Variants in CDK5RAP2 observed in about 807,000 individuals in gnomAD.
CDK5RAP2 encodes the protein CDK5 regulatory subunit associated protein 2.
A neutral mutation model predicts 232.9 loss-of-function variants in CDK5RAP2; 147 were observed. That is an observed-to-expected ratio of 0.63 (90% CI 0.55 to 0.72). The LOEUF is 0.72. Among genes scored for constraint, CDK5RAP2 ranks in the 30% least tolerant of loss-of-function variants. The probability of loss-of-function intolerance (pLI) is 0.00; values close to 1 mark genes in which losing one functional copy is unlikely to be tolerated. For missense variants in CDK5RAP2, 2,195 were observed against 2,231.5 expected (o/e 0.98, Z 0.33); for synonymous variants, 833 against 833.7 (o/e 1.00, Z 0.01).
intron 1 of CDK5RAP2, among the ~76,000 whole-genome samples, chr9:120,574,225 C>A (rs765778117): frequency 1.4e-4 from 22 of 152,166 alleles, no homozygotes; most frequent in Non-Finnish European, 2.2e-4. Context: ...TCCACTCGGG[C>A]TTTACCTACC....
intron 6 of CDK5RAP2, chr9:120,536,732 T>G: frequency 1.5e-6 from 1 of 649,988 alleles, no homozygotes; most frequent in South Asian, 1.6e-5. Context: ...AACAGGCATT[T>G]CCAATGGAAA....
chr9:120,390,133 G>C (rs1355524541), intron 36 of CDK5RAP2: 1 of 303,162 alleles, frequency 3.3e-6, no homozygotes, highest in African/African-American at 2.1e-5. Context: ...CTGTGGGCCA[G>C]GGAGGGCAAT....
intron 12 of CDK5RAP2, among the ~76,000 whole-genome samples, chr9:120,498,453 A>T (rs1362104928): frequency 6.6e-6 from 1 of 152,256 alleles, no homozygotes; most frequent in Admixed American, 6.5e-5. Context: ...GTTCCAGATT[A>T]GCCAAGACTA....
At chr9:120,503,155 C>T (rs1249396688) in intron 12 of CDK5RAP2, among the ~76,000 whole-genome samples, 1 of 152,188 alleles carries the variant, frequency 6.6e-6, no homozygotes, top group Non-Finnish European at 1.5e-5. Flanking sequence ...TAAAACCACT[C>T]TGTGACATAG....
rs1196317812 is a variant in CDK5RAP2 at position 120,411,468 on chromosome 9, G to T, written c.4304C>A (p.Thr1435Lys). 2 of 1,571,370 alleles carry T rather than the reference G, an allele frequency of 1.3e-6. No homozygotes were observed. Among genetic ancestry groups the T allele is most frequent in the African/African-American group, 1.3e-5 (1 of 74,150 alleles). ...CTCTGAACCAGAAGCAAAAATGCTTGTAGAACCTATAAAAACACACATAAA... is the reference window on the plus strand; with the variant it reads ...CTCTGAACCAGAAGCAAAAATGCTTTTAGAACCTATAAAAACACACATAAA... The part of the protein sequence containing the change: ...RQGSEFVQGS[T>K]SIFASGSELH... The change falls in exon 29 of 38, where the codon ACA becomes AAA. Residue 1435 changes from threonine (T) to lysine (K), a missense_variant. By Grantham distance (78) the Thr-to-Lys change is moderately conservative. Coordinates refer to ENST00000349780, the MANE Select transcript of CDK5RAP2 (RefSeq NM_018249.6).
chr9:120,476,860 C>T (rs1425835914), intron 15 of CDK5RAP2, among the ~76,000 whole-genome samples: 1 of 152,096 alleles, frequency 6.6e-6, no homozygotes, highest in Non-Finnish European at 1.5e-5. Context: ...CCACACCTTG[C>T]TGGCAGCAAC....
chr9:120,436,660 A>ATAGAGCGC (rs1305975392), intron 25 of CDK5RAP2, among the ~76,000 whole-genome samples: 4 of 152,150 alleles, frequency 2.6e-5, no homozygotes, highest in Non-Finnish European at 5.9e-5. Context: ...AAAGATAATA[A>ATAGAGCGC]TAGAGCGCGT....
intron 3 of CDK5RAP2, among the ~76,000 whole-genome samples, chr9:120,567,950 T>C (rs1289931577): frequency 6.6e-6 from 1 of 152,142 alleles, no homozygotes; most frequent in Non-Finnish European, 1.5e-5. Context: ...TAGGGGACCA[T>C]AAATAACATG....
chr9:120,548,976 G>T (rs1326710042), intron 4 of CDK5RAP2, among the ~76,000 whole-genome samples: 1 of 152,150 alleles, frequency 6.6e-6, no homozygotes, highest in East Asian at 1.9e-4. Context: ...GGAGAACATG[G>T]GGAAACCCCA....
At chr9:120,482,579 CT>C (rs1286054257) in intron 14 of CDK5RAP2, among the ~76,000 whole-genome samples, 2 of 152,198 alleles carry the variant, frequency 1.3e-5, no homozygotes, top group African/African-American at 4.8e-5. Context: ...GCAAGCCCTT[CT>C]TTGACTGATA....
At chr9:120,460,173 A>G (rs545435333) in intron 19 of CDK5RAP2, among the ~76,000 whole-genome samples, 7 of 152,326 alleles carry the variant, frequency 4.6e-5, no homozygotes, top group African/African-American at 1.7e-4. Context: ...TACACAGTCC[A>G]GAAACAAGGG....
At chr9:120,524,078 A>G (rs1224980659) in intron 11 of CDK5RAP2, among the ~76,000 whole-genome samples, 4 of 152,156 alleles carry the variant, frequency 2.6e-5, no homozygotes, top group Admixed American at 2.0e-4. Flanking sequence ...ATTACTTACC[A>G]GTTTTGGGAA....
chr9:120,552,775 A>G (rs1480231410), intron 3 of CDK5RAP2, among the ~76,000 whole-genome samples: 2 of 151,844 alleles, frequency 1.3e-5, no homozygotes, highest in African/African-American at 2.4e-5. Flanking sequence ...GCACAGCAAC[A>G]TGGCACATGT....
Position 120,400,815 on chromosome 9 carries a change from G to A in CDK5RAP2, c.5378C>T (p.Ala1793Val). The change falls in exon 35 of 38, where the codon GCC becomes GTC. Residue 1793 changes from alanine (A) to valine (V), a missense_variant. Physicochemically the swap from Ala to Val is moderately conservative, Grantham distance 64. Transcript: ENST00000349780. ...CCAGAGAAGCTTCAGCCGCCTGTAG[G>A]CCTCTTCCAGGGTCAGCTTGGCCGT... Reference protein sequence around the residue: ...VSTAKLTLEEAYRRLKLLWRV... With the variant: ...VSTAKLTLEEVYRRLKLLWRV... 1 of 1,614,176 alleles carries A rather than the reference G, an allele frequency of 6.2e-7. No homozygotes were observed. The highest frequency in any genetic ancestry group is 8.5e-7 in the Non-Finnish European group (1 of 1,180,038).
intron 12 of CDK5RAP2, among the ~76,000 whole-genome samples, chr9:120,497,934 C>T (rs1377360919): frequency 6.6e-6 from 1 of 152,224 alleles, no homozygotes; most frequent in Non-Finnish European, 1.5e-5. Flanking sequence ...CCCCTCGTGG[C>T]TTGGATAGAA....
chr9:120,550,747 A>C, intron 4 of CDK5RAP2, 45 bp downstream of exon 4: 1 of 1,065,750 alleles, frequency 9.4e-7, no homozygotes, highest in Non-Finnish European at 1.5e-6. Context: ...TGAAATGACA[A>C]TGAGAAAGGA....
chr9:120,448,042 C>T lies in CDK5RAP2; in HGVS notation c.2878G>A (p.Val960Met), dbSNP rs752790001. ...NMYRLPATQE[V>M]VTQLQSQILE... ...ATCTGGCTCTGCAGCTGCGTCACCA[C>T]CTCCTGGGTGGCAGGGAGACGATAC... The change falls in exon 22 of 38, where the codon GTG (valine) becomes ATG (methionine). Residue 960 changes from valine (V) to methionine (M), a missense_variant. Val to Met is a conservative substitution (Grantham distance 21). Coordinates refer to ENST00000349780, the MANE Select transcript of CDK5RAP2 (RefSeq NM_018249.6). The T allele has an allele frequency of 6.2e-7, 1 of 1,614,188 alleles. No homozygotes were observed. The highest frequency in any genetic ancestry group is 8.5e-7 in the Non-Finnish European group (1 of 1,180,022).
intron 3 of CDK5RAP2, among the ~76,000 whole-genome samples, chr9:120,556,764 G>T (rs1023794441): frequency 6.6e-6 from 1 of 152,070 alleles, no homozygotes; most frequent in Non-Finnish European, 1.5e-5. Context: ...AAAAGAAAAC[G>T]ATAAGCATAT....
At chr9:120,507,940 AAAATAT>A (rs1284566377) in intron 12 of CDK5RAP2, among the ~76,000 whole-genome samples, 7 of 27,914 alleles carry the variant, frequency 2.5e-4, no homozygotes, top group Admixed American at 6.3e-4. Context: ...AAAAAAAAAA[AAAATAT>A]ATATATATAT....
Sources: allele counts gnomAD v4.1 joint callset (sites outside exome capture counted in the v4.1 genomes callset), GRCh38; gene constraint gnomAD v4.1.1; transcripts MANE v1.5; gene names NCBI Gene and HGNC (gene_info 2026-07-23, HGNC 2026-07-21).